The following DDX31 variants were observed in gnomAD, a reference collection of about 807,000 sequenced individuals.
The protein encoded by DDX31 is ATP-dependent DNA helicase DDX31.
A neutral mutation model predicts 91.3 loss-of-function variants in DDX31; 70 were observed. The observed-to-expected ratio is 0.77, with a 90% CI of 0.63 to 0.94. The LOEUF is 0.94. Among genes scored for constraint, DDX31 ranks in the 40% least tolerant of loss-of-function variants. DDX31 has a pLI of 0.00. For synonymous variants in DDX31, 362 were observed against 350.6 expected, an observed-to-expected ratio of 1.03 and a Z score of -0.36; for missense variants, 902 against 925.0, an observed-to-expected ratio of 0.98 and a Z score of 0.32.
chr9:132,642,121 G>C, intron 13 of DDX31, 58 bp from the exon 14 acceptor site: 1 of 1,480,546 alleles, frequency 6.8e-7, no homozygotes, highest in Non-Finnish European at 9.4e-7. Flanking sequence ...CAGCAAGGTA[G>C]GCTTACATCT....
At chr9:132,631,092 GATAATGC>G (rs1438940665) in intron 15 of DDX31, among the ~76,000 whole-genome samples, 1 of 152,238 alleles carries the variant, frequency 6.6e-6, no homozygotes. Flanking sequence ...CATTACAATG[GATAATGC>G]AAAGCATTGT....
In DDX31 at chr9:132,648,840, C is replaced by T. The variant is rs149976009; in HGVS notation, c.741-289G>A. Among the ~76,000 whole-genome samples, 328 of 152,250 alleles carry T rather than the reference C, an allele frequency of 2.2e-3. 4 individuals are homozygous for T. Among genetic ancestry groups the T allele is most frequent in the Admixed American group, 0.013 (200 of 15,294 alleles). The stretch of plus-strand genomic sequence containing the variant: ...ATGCTCTTTATCTGACTCATAAATC[C>T]TCTCTAGAACCTTCCAAAGAGATTG... On this transcript the variant is annotated intron_variant, in intron 9 of 19. Coordinates refer to ENST00000372159, the MANE Select transcript of DDX31 (RefSeq NM_022779.9).
intron 19 of DDX31, among the ~76,000 whole-genome samples, chr9:132,603,402 G>C (rs1830828981): frequency 6.6e-6 from 1 of 152,186 alleles, no homozygotes; most frequent in African/African-American, 2.4e-5. Flanking sequence ...GAGTGTGGAG[G>C]GGTCCGGGAT....
intron 19 of DDX31, among the ~76,000 whole-genome samples, chr9:132,598,708 T>A (rs1025439220): frequency 1.3e-5 from 2 of 152,248 alleles, no homozygotes; most frequent in African/African-American, 4.8e-5. Context: ...ATGGCACTCT[T>A]TTATAGGACA....
chr9:132,630,146 T>C, intron 16 of DDX31, 118 bp downstream of exon 16: 1 of 1,177,682 alleles, frequency 8.5e-7, no homozygotes, highest in Middle Eastern at 2.1e-4. Flanking sequence ...TGGGACTCAT[T>C]TAGGGATCAC....
chr9:132,603,096 GATAA>G (rs1371147901), intron 19 of DDX31, among the ~76,000 whole-genome samples: 1 of 152,198 alleles, frequency 6.6e-6, no homozygotes, highest in African/African-American at 2.4e-5. Context: ...GCCTCAGTGA[GATAA>G]TGTGCATGGA....
intron 19 of DDX31, among the ~76,000 whole-genome samples, chr9:132,599,076 C>T (rs905450058): frequency 1.3e-5 from 2 of 152,080 alleles, no homozygotes; most frequent in African/African-American, 2.4e-5. Context: ...AACATTGAAG[C>T]GAATACCAAT....
In DDX31 at chr9:132,618,369, C is replaced by T. The variant is rs77159282; in HGVS notation, c.1786G>A (p.Val596Met). Residue 596 changes from valine (V) to methionine (M), a missense_variant, in exon 18 of 20, where the codon GTG (valine) becomes ATG (methionine). Val to Met is a conservative substitution (Grantham distance 21, BLOSUM62 1). Coordinates refer to ENST00000372159, the MANE Select transcript of DDX31 (RefSeq NM_022779.9). ...GAGACCCTCCTCTCACTGGAGTGCA[C>T]GTAATCTTCAAATACCGTCTGCAAG... The part of the protein sequence containing the change: ...TVLQTVFEDY[V>M]HSSERRVSWA... 5.6e-5 allele frequency: 91 copies of T among 1,611,880 alleles called. No individual in the cohort carries two copies. The highest frequency in any genetic ancestry group is 4.5e-4 in the African/African-American group (34 of 74,974).
In DDX31 at chr9:132,658,409, T is replaced by C. The variant is rs1834712953; in HGVS notation, c.588+262A>G. 7.1e-6 allele frequency: 5 copies of C among 702,374 alleles called. No individual in the cohort carries two copies. The Admixed American group carries it at 8.0e-5, about 11-fold the overall frequency. The allele number at this position is 702,374 out of a possible 1,614,324, so 43.5% of individuals were successfully genotyped here. ...GTTAAAGATTCAAGAAGGGAACACATGCAAAGTATCATGCCTGACACACGG... is the reference window on the plus strand; with the variant it reads ...GTTAAAGATTCAAGAAGGGAACACACGCAAAGTATCATGCCTGACACACGG... On this transcript the variant is annotated intron_variant, in intron 6 of 19. Transcript: ENST00000372159.
chr9:132,647,659 G>A (rs1833920769), intron 11 of DDX31, among the ~76,000 whole-genome samples: 1 of 152,206 alleles, frequency 6.6e-6, no homozygotes. Context: ...ATGACTCACT[G>A]TGTGGGGTGG....
intron 9 of DDX31, among the ~76,000 whole-genome samples, 165 bp from the exon 10 acceptor site, chr9:132,648,716 G>A (rs1833992762): frequency 6.6e-6 from 1 of 152,198 alleles, no homozygotes; most frequent in Admixed American, 6.5e-5. Flanking sequence ...AGCTGTACTT[G>A]AGTCTTTCCC....
chr9:132,620,721 C>G (rs1470046869), intron 17 of DDX31, among the ~76,000 whole-genome samples: 1 of 152,086 alleles, frequency 6.6e-6, no homozygotes, highest in Non-Finnish European at 1.5e-5. Context: ...AAACTGAAGA[C>G]AGAGGGGGGC....
chr9:132,652,527 G>A, intron 6 of DDX31, 35 bp from the exon 7 acceptor site: 1 of 1,613,446 alleles, frequency 6.2e-7, no homozygotes, highest in Admixed American at 1.7e-5. Context: ...CCATGAGCAG[G>A]ATAAACAAAG....
intron 6 of DDX31, among the ~76,000 whole-genome samples, chr9:132,653,164 A>G (rs1024002601): frequency 1.3e-5 from 2 of 152,062 alleles, no homozygotes; most frequent in South Asian, 2.1e-4. Context: ...TACAAACAAG[A>G]TAATTTTGTC....
chr9:132,595,613 G>A lies in DDX31; in HGVS notation c.1995-501C>T, dbSNP rs962197742. Among the ~76,000 whole-genome samples, 3 of 152,188 alleles carry A rather than the reference G, an allele frequency of 2.0e-5. No homozygotes were observed. Among genetic ancestry groups the A allele is most frequent in the African/African-American group, 7.2e-5 (3 of 41,446 alleles). ...CAGCAAGTTCCACGCAGCCCTCCAGGGTTCCACAGTGAAGGCTGGGATGAC... is the reference window on the plus strand; with the variant it reads ...CAGCAAGTTCCACGCAGCCCTCCAGAGTTCCACAGTGAAGGCTGGGATGAC... On this transcript the variant is annotated intron_variant, in intron 19 of 19. Transcript: ENST00000372159. This position sits in a 1 kb window ranked among gnomAD's most constrained non-coding sequence, Gnocchi z 4.6.
chr9:132,665,354 T>C (rs898175512), intron 1 of DDX31, among the ~76,000 whole-genome samples: 3 of 152,188 alleles, frequency 2.0e-5, no homozygotes, highest in African/African-American at 7.2e-5. Flanking sequence ...CAAAGTAGAT[T>C]TGCCAAGCCC....
chr9:132,621,480 G>T (rs577734339), intron 17 of DDX31, among the ~76,000 whole-genome samples: 2 of 152,248 alleles, frequency 1.3e-5, no homozygotes, highest in East Asian at 3.9e-4. Flanking sequence ...ACATTTTACA[G>T]ATGCTTCACT....
intron 17 of DDX31, among the ~76,000 whole-genome samples, chr9:132,625,155 G>A (rs576718976): frequency 8.5e-5 from 13 of 152,192 alleles, no homozygotes; most frequent in Non-Finnish European, 1.5e-5. Flanking sequence ...ATCTCCATAT[G>A]GAACTGCATG....
At chr9:132,656,009 A>G (rs141918222) in intron 6 of DDX31, among the ~76,000 whole-genome samples, 123 of 152,358 alleles carry the variant, frequency 8.1e-4, no homozygotes, top group Non-Finnish European at 1.5e-3. Flanking sequence ...GGAGATTCTG[A>G]CATTTCAAAA....
Sources: allele counts gnomAD v4.1 joint callset (sites outside exome capture counted in the v4.1 genomes callset), GRCh38; gene constraint gnomAD v4.1.1; non-coding constraint Gnocchi (gnomAD v3.1); transcripts MANE v1.5; gene names NCBI Gene and HGNC (gene_info 2026-07-23, HGNC 2026-07-21).